ARHGAP15: variants seen among roughly 807,000 people sequenced by gnomAD.
The protein encoded by ARHGAP15 is rho GTPase-activating protein 15.
A neutral mutation model predicts 63.7 loss-of-function variants in ARHGAP15; 51 were observed. The observed-to-expected ratio is 0.80, with a 90% CI of 0.64 to 1.01. The LOEUF (loss-of-function observed/expected upper bound fraction) is 1.01, where lower values mean the gene tolerates loss of function less well. Among genes scored for constraint, ARHGAP15 ranks in the 50% least tolerant of loss-of-function variants. ARHGAP15 has a pLI of 0.00. For synonymous variants in ARHGAP15, 191 were observed against 193.8 expected, an observed-to-expected ratio of 0.99 and a Z score of 0.12; for missense variants, 560 against 564.6, an observed-to-expected ratio of 0.99 and a Z score of 0.08.
chr2:143,704,330 C>T (rs1306811098), intron 13 of ARHGAP15, among the ~76,000 whole-genome samples: 1 of 152,162 alleles, frequency 6.6e-6, no homozygotes, highest in Non-Finnish European at 1.5e-5. Context: ...CAGACAACCA[C>T]AGTAGTACAG....
At chr2:143,364,803 G>A (rs760645367) in intron 6 of ARHGAP15, among the ~76,000 whole-genome samples, 9 of 152,130 alleles carry the variant, frequency 5.9e-5, no homozygotes, top group Non-Finnish European at 8.8e-5. Context: ...CAAGGCAGGC[G>A]GATCACTTGA....
At chr2:143,549,422 A>G (rs1208010030) in intron 10 of ARHGAP15, among the ~76,000 whole-genome samples, 1 of 152,224 alleles carries the variant, frequency 6.6e-6, no homozygotes, top group Admixed American at 6.5e-5. Flanking sequence ...AAATAGAGAA[A>G]TGAAAGCAGG....
chr2:143,304,765 A>G (rs1574243102), intron 6 of ARHGAP15, among the ~76,000 whole-genome samples: 2 of 152,080 alleles, frequency 1.3e-5, no homozygotes, highest in Non-Finnish European at 2.9e-5. Context: ...GCAAATGAAA[A>G]CCACAATGAG....
chr2:143,413,674 A>T (rs558020198), intron 6 of ARHGAP15, among the ~76,000 whole-genome samples: 9 of 152,100 alleles, frequency 5.9e-5, no homozygotes, highest in Non-Finnish European at 1.2e-4. Context: ...GGGTCTTACT[A>T]TGTTGCCCAG....
At chr2:143,549,739 G>A (rs1574620691) in intron 10 of ARHGAP15, among the ~76,000 whole-genome samples, 1 of 152,180 alleles carries the variant, frequency 6.6e-6, no homozygotes, top group East Asian at 1.9e-4. Context: ...TTCTCCAACA[G>A]AATTAGATAT....
intron 12 of ARHGAP15, among the ~76,000 whole-genome samples, chr2:143,660,014 C>T (rs10171182): frequency 1.3e-5 from 2 of 151,980 alleles, no homozygotes; most frequent in Non-Finnish European, 2.9e-5. Context: ...TGTTCCTAAT[C>T]TGTGGGTAGA....
intron 13 of ARHGAP15, among the ~76,000 whole-genome samples, chr2:143,750,088 TC>T (rs1378838216): frequency 6.6e-6 from 1 of 152,180 alleles, no homozygotes; most frequent in Non-Finnish European, 1.5e-5. Context: ...AGTTCTAATC[TC>T]CCTTTCCATG....
At position 143,646,587 on chromosome 2, in the gene ARHGAP15, T is replaced by A. The variant is rs190911115; in HGVS notation, c.1138+22320T>A. 2.0e-4 allele frequency among the ~76,000 whole-genome samples: 30 copies of A among 152,176 alleles called. No individual in the cohort carries two copies. The East Asian group carries it at 5.6e-3, about 29-fold the overall frequency. ...GTTTGTGTTTCCCAAGAAGCTTAAG[T>A]CTGGATGATTTACATGTAACATTTT... On this transcript the variant is annotated intron_variant, in intron 12 of 13. Coordinates refer to ENST00000295095, the MANE Select transcript of ARHGAP15 (RefSeq NM_018460.4).
At chr2:143,531,860 C>T (rs1006728992) in intron 10 of ARHGAP15, among the ~76,000 whole-genome samples, 5 of 152,148 alleles carry the variant, frequency 3.3e-5, no homozygotes, top group African/African-American at 9.7e-5. Context: ...ATCTCATAAA[C>T]GTTTGTCAAG....
chr2:143,545,230 C>T (rs1178600460), intron 10 of ARHGAP15, among the ~76,000 whole-genome samples: 1 of 152,124 alleles, frequency 6.6e-6, no homozygotes, highest in Non-Finnish European at 1.5e-5. Context: ...AGAGGCAAGC[C>T]ATCAAAACCT....
chr2:143,134,880 G>T (rs943586961), intron 1 of ARHGAP15, among the ~76,000 whole-genome samples: 1 of 151,878 alleles, frequency 6.6e-6, no homozygotes, highest in Non-Finnish European at 1.5e-5. Flanking sequence ...CTCGTGATCT[G>T]CCCACCTTGA....
At chr2:143,548,039 T>C (rs1481736392) in intron 10 of ARHGAP15, among the ~76,000 whole-genome samples, 2 of 152,136 alleles carry the variant, frequency 1.3e-5, no homozygotes, top group Non-Finnish European at 2.9e-5. Context: ...TTAGTTCTTT[T>C]CCTCACCCAA....
At chr2:143,752,825 G>C (rs1686431425) in intron 13 of ARHGAP15, among the ~76,000 whole-genome samples, 1 of 152,152 alleles carries the variant, frequency 6.6e-6, no homozygotes, top group African/African-American at 2.4e-5. Context: ...GGCAGAAATA[G>C]TCCAGGCTTT....
At chr2:143,250,658 G>A in intron 6 of ARHGAP15, 58 bp downstream of exon 6, 1 of 1,436,014 alleles carries the variant, frequency 7.0e-7, no homozygotes, top group Non-Finnish European at 9.7e-7. Flanking sequence ...GAGCTCTCTT[G>A]GGTAACTAAA....
At chr2:143,497,787 T>C (rs1261093795) in intron 9 of ARHGAP15, among the ~76,000 whole-genome samples, 1 of 152,224 alleles carries the variant, frequency 6.6e-6, no homozygotes, top group Non-Finnish European at 1.5e-5. Flanking sequence ...AATGTGTGAA[T>C]GAATGCTTCT....
chr2:143,309,740 A>G lies in ARHGAP15; in HGVS notation c.474+59140A>G, dbSNP rs1683348694. Among the ~76,000 whole-genome samples, 3 of 152,082 alleles carry G rather than the reference A, an allele frequency of 2.0e-5. 1 individual carries two copies. Among genetic ancestry groups the G allele is most frequent in the South Asian group, 4.1e-4 (2 of 4,828 alleles). On this transcript the variant is annotated intron_variant, in intron 6 of 13. Transcript: ENST00000295095. The stretch of plus-strand genomic sequence containing the variant: ...CTTTGTTGTGGGGGCTGTCCTGTGC[A>G]TTGTAGAATATTCAGCAGCATCACT...
chr2:143,325,912 A>T (rs962172058), intron 6 of ARHGAP15, among the ~76,000 whole-genome samples: 1 of 152,218 alleles, frequency 6.6e-6, no homozygotes, highest in African/African-American at 2.4e-5. Context: ...AAAAAAGGAA[A>T]CAAAAGTAAA....
At chr2:143,330,121 A>AAC (rs1558897936) in intron 6 of ARHGAP15, among the ~76,000 whole-genome samples, 10 of 87,262 alleles carry the variant, frequency 1.1e-4, no homozygotes, top group African/African-American at 4.7e-4. Context: ...AAAAAAAAAA[A>AAC]AAAAAAAAAA....
intron 6 of ARHGAP15, among the ~76,000 whole-genome samples, chr2:143,270,066 G>A (rs1224054538): frequency 4.0e-5 from 6 of 151,764 alleles, no homozygotes; most frequent in African/African-American, 9.7e-5. Flanking sequence ...TCCACCTCTC[G>A]GGTTCAAGCG....
Sources: gnomAD v4.1 joint callset for allele counts (sites outside exome capture counted in the v4.1 genomes callset) on GRCh38, gnomAD v4.1.1 for gene constraint, MANE v1.5 for transcripts, NCBI Gene and HGNC (gene_info 2026-07-23, HGNC 2026-07-21) for gene names.